UXS1: variants seen among roughly 807,000 people sequenced by gnomAD.
UXS1 encodes UDP-glucuronate decarboxylase 1, also known as UDP-glucuronic acid decarboxylase 1.
UXS1 carries 33 observed loss-of-function variants against 62.6 expected under a neutral mutation model. The observed-to-expected ratio is 0.53, with a 90% CI of 0.40 to 0.70. The LOEUF (loss-of-function observed/expected upper bound fraction) is 0.70. Among genes scored for constraint, UXS1 ranks in the 30% least tolerant of loss-of-function variants. The pLI, the probability that UXS1 is intolerant of heterozygous loss-of-function variation, is 0.00. For synonymous variants in UXS1, 213 were observed against 206.8 expected, an observed-to-expected ratio of 1.03 and a Z score of -0.26; for missense variants, 434 against 556.3, an observed-to-expected ratio of 0.78 and a Z score of 2.21.
At chr2:106,183,763 TCA>T (rs1365869422) in intron 1 of UXS1, 2 of 152,178 alleles carry the variant, frequency 1.3e-5, no homozygotes, top group Non-Finnish European at 2.9e-5. Context: ...CTTCAATTCC[TCA>T]CAGTATTTAA....
At chr2:106,159,991 T>C (rs532214479) in intron 4 of UXS1, 3 of 152,166 alleles carry the variant, frequency 2.0e-5, no homozygotes, top group Admixed American at 2.0e-4. Context: ...GGGCTCCCCC[T>C]TGTGAGCTCA....
intron 10 of UXS1, among the ~76,000 whole-genome samples, chr2:106,109,305 G>A (rs1678381725): frequency 1.3e-5 from 2 of 152,068 alleles, no homozygotes; most frequent in Non-Finnish European, 2.9e-5. Context: ...CGCCACAAAC[G>A]AAGGCCCAAT....
chr2:106,098,269 T>A (rs1677292054), intron 13 of UXS1, among the ~76,000 whole-genome samples: 1 of 152,164 alleles, frequency 6.6e-6, no homozygotes, highest in Admixed American at 6.5e-5. Flanking sequence ...GATGGGGTGC[T>A]CCCAATGCTA....
intron 10 of UXS1, among the ~76,000 whole-genome samples, chr2:106,109,672 A>C (rs1410181761): frequency 6.6e-6 from 1 of 152,218 alleles, no homozygotes; most frequent in Admixed American, 6.5e-5. Flanking sequence ...GCTGAACATG[A>C]TTCCACTTAA....
chr2:106,129,631 T>C (rs2104947200), intron 7 of UXS1, 43 bp downstream of exon 7: 4 of 1,457,464 alleles, frequency 2.7e-6, no homozygotes, highest in South Asian at 2.4e-5. Context: ...TCATCTAAAA[T>C]ATTCCCAGCA....
intron 1 of UXS1, 64 bp downstream of exon 1, chr2:106,194,084 C>A (rs973178225): frequency 7.4e-7 from 1 of 1,351,264 alleles, no homozygotes; most frequent in African/African-American, 1.5e-5. Flanking sequence ...ACCACCGCCG[C>A]CCGGCCCACC....
At chr2:106,185,164 T>C (rs1371450520) in intron 1 of UXS1, among the ~76,000 whole-genome samples, 1 of 152,154 alleles carries the variant, frequency 6.6e-6, no homozygotes, top group Non-Finnish European at 1.5e-5. Context: ...ACTGCCCAAA[T>C]TGTATCCTTC....
chr2:106,160,787 A>G (rs1682839032), intron 4 of UXS1, among the ~76,000 whole-genome samples: 2 of 152,240 alleles, frequency 1.3e-5, no homozygotes, highest in Admixed American at 1.3e-4. Context: ...ATGGACTAAA[A>G]AATACTTCAA....
chr2:106,127,350 T>C (rs565078177), intron 7 of UXS1, among the ~76,000 whole-genome samples: 6 of 152,278 alleles, frequency 3.9e-5, no homozygotes, highest in African/African-American at 1.2e-4. Flanking sequence ...CATTTTATAT[T>C]CCCCCCTACC....
intron 9 of UXS1, among the ~76,000 whole-genome samples, chr2:106,121,211 G>T (rs537369751): frequency 5.3e-5 from 8 of 152,122 alleles, no homozygotes; most frequent in African/African-American, 1.9e-4. Flanking sequence ...CAAATACCTA[G>T]AACAGTACCT....
chr2:106,106,971 A>G lies in UXS1; in HGVS notation c.880-2134T>C, dbSNP rs142766071. On this transcript the variant is annotated intron_variant, in intron 10 of 14. Transcript: ENST00000283148. Reference sequence around the variant, plus strand: ...CCTGCCCTATTGTGTTCATAATTTCAGAACTACCTGTAGATTTTTTTTTCT... The same window carrying G: ...CCTGCCCTATTGTGTTCATAATTTCGGAACTACCTGTAGATTTTTTTTTCT... Among the ~76,000 whole-genome samples, 332 of 152,344 alleles carry G rather than the reference A, an allele frequency of 2.2e-3. 9 individuals carry two copies. In the East Asian group the frequency reaches 0.056, roughly 26 times the overall value.
chr2:106,190,330 A>G (rs981104226), intron 1 of UXS1, among the ~76,000 whole-genome samples: 2 of 152,208 alleles, frequency 1.3e-5, no homozygotes, highest in Non-Finnish European at 2.9e-5. Context: ...AGGGGCAAAG[A>G]GAAGAAAAAA....
chr2:106,157,920 G>T, intron 5 of UXS1, 138 bp downstream of exon 5: 1 of 749,536 alleles, frequency 1.3e-6, no homozygotes, highest in East Asian at 2.7e-5. Flanking sequence ...TCAGAATGCG[G>T]TGCTAACTCT....
chr2:106,159,817 A>G lies in UXS1; in HGVS notation c.231-1699T>C, dbSNP rs560689321. On this transcript the variant is annotated intron_variant, in intron 4 of 14. Transcript: ENST00000283148. ...GAAGCCCCTGAAGCAGGGGTTTCTC[A>G]TCTCCAGAAAGCCCTGAGCGTGCTT... 2.6e-5 allele frequency among the ~76,000 whole-genome samples: 4 copies of G among 152,304 alleles called. No homozygotes were observed. The East Asian group carries it at 7.7e-4, about 29-fold the overall frequency.
intron 1 of UXS1, among the ~76,000 whole-genome samples, chr2:106,182,157 T>C (rs116765349): frequency 0.014 from 2,060 of 152,302 alleles, 50 homozygotes; most frequent in African/African-American, 0.046. Context: ...CTATCTAAAG[T>C]ATGGGTGTCC....
chr2:106,174,796 C>CGGAAG (rs1553437458), intron 1 of UXS1, among the ~76,000 whole-genome samples: 1 of 152,126 alleles, frequency 6.6e-6, no homozygotes, highest in Non-Finnish European at 1.5e-5. Context: ...CACCATCCCA[C>CGGAAG]AGCGGAAGAC....
At chr2:106,113,524 T>C (rs573865396) in intron 9 of UXS1, among the ~76,000 whole-genome samples, 1 of 152,350 alleles carries the variant, frequency 6.6e-6, no homozygotes, top group East Asian at 1.9e-4. Context: ...TTTTCAAATA[T>C]GCAATCATGG....
intron 1 of UXS1, among the ~76,000 whole-genome samples, chr2:106,191,055 A>T (rs1558765960): frequency 1.3e-5 from 2 of 152,156 alleles, no homozygotes; most frequent in African/African-American, 4.8e-5. Flanking sequence ...GAGAAAAAAA[A>T]GCCAACATAT....
At chr2:106,158,242 T>G in intron 4 of UXS1, 124 bp from the exon 5 acceptor site, 1 of 800,634 alleles carries the variant, frequency 1.2e-6, no homozygotes, top group Non-Finnish European at 2.0e-6. Context: ...TCTCCACTCT[T>G]GAATGAGTGC....
Sources: allele counts gnomAD v4.1 joint callset (sites outside exome capture counted in the v4.1 genomes callset), GRCh38; gene constraint gnomAD v4.1.1; transcripts MANE v1.5; gene names NCBI Gene and HGNC (gene_info 2026-07-23, HGNC 2026-07-21).